Variants in STIM2 observed in about 807,000 individuals in gnomAD.
STIM2 encodes stromal interaction molecule 2.
STIM2 carries 31 observed loss-of-function variants against 85.8 expected under a neutral mutation model. The observed-to-expected ratio is 0.36, with a 90% CI of 0.27 to 0.49. STIM2 has a LOEUF of 0.49. Ranked by LOEUF, STIM2 falls within the 20% of genes least tolerant of loss-of-function variation. The probability of loss-of-function intolerance (pLI) is 0.98; values close to 1 mark genes in which losing one functional copy is unlikely to be tolerated. For synonymous variants in STIM2, 356 were observed against 331.1 expected, an observed-to-expected ratio of 1.08 and a Z score of -0.82; for missense variants, 841 against 927.6, an observed-to-expected ratio of 0.91 and a Z score of 1.21.
At chr4:26,973,248 CTCTGA>C (rs1450832071) in intron 3 of STIM2, among the ~76,000 whole-genome samples, 1 of 152,116 alleles carries the variant, frequency 6.6e-6, no homozygotes, top group African/African-American at 2.4e-5. Context: ...TTCAGTTCTG[CTCTGA>C]TCTTAGTTAT....
intron 1 of STIM2, among the ~76,000 whole-genome samples, chr4:26,902,138 G>C (rs1225502504): frequency 1.3e-5 from 2 of 152,248 alleles, no homozygotes; most frequent in East Asian, 3.9e-4. Flanking sequence ...TATGGTAGCT[G>C]TAAAGGGGAA....
intron 1 of STIM2, among the ~76,000 whole-genome samples, chr4:26,890,843 A>AG (rs1257310706): frequency 6.6e-6 from 1 of 150,926 alleles, no homozygotes; most frequent in Non-Finnish European, 1.5e-5. Context: ...AAAAAAAAAA[A>AG]GGAGAGTACT....
At chr4:26,874,160 G>T in intron 1 of STIM2, 1 of 509,390 alleles carries the variant, frequency 2.0e-6, no homozygotes, top group Admixed American at 2.5e-5. Flanking sequence ...GGTCTCCCCA[G>T]AGATTGAGGT....
At chr4:26,892,366 G>A (rs1213140213) in intron 1 of STIM2, among the ~76,000 whole-genome samples, 1 of 152,126 alleles carries the variant, frequency 6.6e-6, no homozygotes, top group Non-Finnish European at 1.5e-5. Flanking sequence ...CCATCTTTTT[G>A]TATCTTCATG....
chr4:26,997,316 T>C (rs1281576689), intron 4 of STIM2, among the ~76,000 whole-genome samples: 1 of 152,232 alleles, frequency 6.6e-6, no homozygotes, highest in African/African-American at 2.4e-5. Flanking sequence ...TTCTGTGACA[T>C]TAAAACCCTT....
intron 3 of STIM2, among the ~76,000 whole-genome samples, chr4:26,988,308 G>A (rs2109119491): frequency 6.6e-6 from 1 of 152,294 alleles, no homozygotes; most frequent in Non-Finnish European, 1.5e-5. Context: ...ACAAAGAAGA[G>A]CAGCTCTAAT....
chr4:26,990,421 A>G (rs1167515352), intron 3 of STIM2, among the ~76,000 whole-genome samples: 3 of 152,162 alleles, frequency 2.0e-5, no homozygotes, highest in Non-Finnish European at 2.9e-5. Flanking sequence ...GAATGAATCT[A>G]GATCTCTACC....
In STIM2 at chr4:26,991,700, A is replaced by G. The variant is rs991686495; in HGVS notation, c.398-3679A>G. Among the ~76,000 whole-genome samples the G allele has an allele frequency of 3.8e-4, 58 of 152,216 alleles. 1 individual carries two copies. Among genetic ancestry groups the G allele is most frequent in the Admixed American group, 3.5e-3 (54 of 15,270 alleles). ...TATGTACTCCCAACATATGTATAAC[A>G]TCAATTTAAAAAAGAGAATCTGAGC... is the stretch of plus-strand genomic sequence containing the variant. On this transcript the variant is annotated intron_variant, in intron 3 of 11. Coordinates refer to ENST00000467087, the MANE Select transcript of STIM2 (RefSeq NM_020860.4).
chr4:26,974,262 A>G (rs1727094186), intron 3 of STIM2, among the ~76,000 whole-genome samples: 1 of 152,120 alleles, frequency 6.6e-6, no homozygotes, highest in Non-Finnish European at 1.5e-5. Flanking sequence ...TATGTGTGAT[A>G]TGATCCTTTC....
At chr4:26,936,368 C>G (rs1413559631) in intron 2 of STIM2, among the ~76,000 whole-genome samples, 2 of 152,178 alleles carry the variant, frequency 1.3e-5, no homozygotes, top group Non-Finnish European at 2.9e-5. Context: ...AGCTGATCCT[C>G]CCAGAGCATT....
chr4:27,000,293 G>T (rs1037021610), intron 5 of STIM2, among the ~76,000 whole-genome samples: 2 of 152,142 alleles, frequency 1.3e-5, no homozygotes, highest in Non-Finnish European at 2.9e-5. Flanking sequence ...AGCAGCTGGT[G>T]AAACAGCTGG....
chr4:26,899,985 G>A (rs2109051330), intron 1 of STIM2, among the ~76,000 whole-genome samples: 1 of 152,242 alleles, frequency 6.6e-6, no homozygotes, highest in Non-Finnish European at 1.5e-5. Flanking sequence ...TGTAAAACAA[G>A]TATCTATCTA....
At chr4:26,912,287 T>C (rs1577433561) in intron 1 of STIM2, among the ~76,000 whole-genome samples, 2 of 152,288 alleles carry the variant, frequency 1.3e-5, no homozygotes, top group Admixed American at 1.3e-4. Flanking sequence ...TGGGCTGCAG[T>C]CCTTAGTTTG....
chr4:26,998,911 C>CAAAA (rs11374270), intron 4 of STIM2, among the ~76,000 whole-genome samples: 2,213 of 147,320 alleles, frequency 0.015, 34 homozygotes, highest in Non-Finnish European at 0.023. Context: ...GACTCTGTCT[C>CAAAA]AAAAAAAAAA....
intron 1 of STIM2, among the ~76,000 whole-genome samples, chr4:26,896,891 G>T (rs1025616384): frequency 6.6e-6 from 1 of 152,048 alleles, no homozygotes; most frequent in Non-Finnish European, 1.5e-5. Context: ...CCTAAATCCT[G>T]TTTTCCACTT....
chr4:27,010,472 T>G (rs1040242541), intron 10 of STIM2, among the ~76,000 whole-genome samples: 2 of 152,104 alleles, frequency 1.3e-5, no homozygotes, highest in African/African-American at 4.8e-5. Flanking sequence ...AATGCTGTGA[T>G]CAGATTTATT....
chr4:26,916,688 A>G (rs929349789), intron 1 of STIM2, among the ~76,000 whole-genome samples: 4 of 151,774 alleles, frequency 2.6e-5, no homozygotes, highest in African/African-American at 7.3e-5. Context: ...GTATGTTGGT[A>G]TCTTTGTACT....
intron 2 of STIM2, among the ~76,000 whole-genome samples, chr4:26,932,617 T>C (rs1725245015): frequency 6.6e-6 from 1 of 152,244 alleles, no homozygotes; most frequent in Non-Finnish European, 1.5e-5. Flanking sequence ...TTAATAAGCA[T>C]CTAATAAATG....
chr4:27,009,960 T>A (rs1428818499), intron 10 of STIM2, among the ~76,000 whole-genome samples: 1 of 152,230 alleles, frequency 6.6e-6, no homozygotes, highest in African/African-American at 2.4e-5. Context: ...GATTAACTAG[T>A]TTTTTTCTTT....
Sources: gnomAD v4.1 joint callset for allele counts (sites outside exome capture counted in the v4.1 genomes callset) on GRCh38, gnomAD v4.1.1 for gene constraint, MANE v1.5 for transcripts, NCBI Gene and HGNC (gene_info 2026-07-23, HGNC 2026-07-21) for gene names.